LRAT: variants seen among roughly 807,000 people sequenced by gnomAD.
LRAT encodes the protein lecithin retinol acyltransferase (phosphatidylcholine--retinol O-acyltransferase).
Under a neutral mutation model 14.2 loss-of-function variants are expected in LRAT, and 11 were observed. The ratio of observed to expected loss-of-function variants is 0.78; its 90% CI spans 0.49 to 1.29. The LOEUF (loss-of-function observed/expected upper bound fraction) is 1.29. Ranked by LOEUF, LRAT falls within the 50% of genes most tolerant of loss-of-function variation. The pLI, the probability that LRAT is intolerant of heterozygous loss-of-function variation, is 0.00. For missense variants in LRAT, 274 were observed against 292.4 expected, an observed-to-expected ratio of 0.94 and a Z score of 0.46; for synonymous variants, 144 against 124.8, an observed-to-expected ratio of 1.15 and a Z score of -1.03.
At position 154,750,123 on chromosome 4, in the gene LRAT, CT is replaced by C. The variant is rs1187355738; in HGVS notation, c.*991del. 1.3e-5 allele frequency: 2 copies of C among 151,998 alleles called. No homozygotes were observed. The highest frequency in any genetic ancestry group is 2.9e-5 in the Non-Finnish European group (2 of 67,958). The allele number at this position is 151,998 out of a possible 1,614,324, so 9.4% of individuals were successfully genotyped here. On this transcript the variant is annotated 3_prime_UTR_variant, in exon 3 of 3. Transcript: ENST00000336356. ...GCATATATGTTATTGGATGGGTTGT[CT>C]TTTAAAGCATTTACTAATGTACTCT...
intron 1 of LRAT, 42 bp from the exon 2 acceptor site, chr4:154,744,284 G>T: frequency 6.2e-7 from 1 of 1,607,316 alleles, no homozygotes; most frequent in Non-Finnish European, 8.5e-7. Context: ...GCCCCTGCCG[G>T]AGTGGCACCG....
upstream of LRAT, among the ~76,000 whole-genome samples, chr4:154,743,310 G>T (rs1387196621): frequency 1.3e-5 from 2 of 151,844 alleles, no homozygotes; most frequent in Non-Finnish European, 2.9e-5. Flanking sequence ...ACACCAGCCT[G>T]GCCAACATGG....
rs1186188264 is a variant in LRAT at position 154,752,722 on chromosome 4, T to C, written c.*3586T>C. The C allele has an allele frequency of 6.6e-6, 1 of 152,246 alleles. No individual in the cohort carries two copies. The highest frequency in any genetic ancestry group is 6.5e-5 in the Admixed American group (1 of 15,288). 9.4% of individuals were successfully genotyped at this position (152,246 alleles called of 1,614,324 possible). ...GTCAAGGAAGACTCATTCACTTTTCTTTCCTGCCAGAAAGTTGGTTCTTGC... is the reference window on the plus strand; with the variant it reads ...GTCAAGGAAGACTCATTCACTTTTCCTTCCTGCCAGAAAGTTGGTTCTTGC... On this transcript the variant is annotated 3_prime_UTR_variant, in exon 3 of 3. Transcript: ENST00000336356.
At chr4:154,746,483 G>C (rs915638407) in intron 2 of LRAT, among the ~76,000 whole-genome samples, 10 of 152,222 alleles carry the variant, frequency 6.6e-5, no homozygotes, top group Non-Finnish European at 1.2e-4. Flanking sequence ...AATACAGTTA[G>C]AGCACTGTGC....
chr4:154,750,299 T>C lies in LRAT; in HGVS notation c.*1163T>C, dbSNP rs570155177. The C allele has an allele frequency of 6.6e-6, 1 of 152,260 alleles. No individual in the cohort carries two copies. Among genetic ancestry groups the C allele is most frequent in the African/African-American group, 2.4e-5 (1 of 41,560 alleles). 9.4% of individuals were successfully genotyped at this position (152,260 alleles called of 1,614,324 possible). ...AAGCAAATAAAATTATTTAAAATAATTTTAAAGTGGCTTAGTACTGCCAGT... is the reference window on the plus strand; with the variant it reads ...AAGCAAATAAAATTATTTAAAATAACTTTAAAGTGGCTTAGTACTGCCAGT... On this transcript the variant is annotated 3_prime_UTR_variant, in exon 3 of 3. Coordinates refer to ENST00000336356, the MANE Select transcript of LRAT (RefSeq NM_004744.5).
In LRAT at chr4:154,750,906, G is replaced by C. The variant is rs556660642; in HGVS notation, c.*1770G>C. ...TTGCAAACTTTAGTTATTACAGGCAGCAAAAACCACTGTCTGAAACTAAAT... is the reference window on the plus strand; with the variant it reads ...TTGCAAACTTTAGTTATTACAGGCACCAAAAACCACTGTCTGAAACTAAAT... On this transcript the variant is annotated 3_prime_UTR_variant, in exon 3 of 3. Transcript: ENST00000336356. 6.6e-5 allele frequency: 10 copies of C among 152,212 alleles called. No individual in the cohort carries two copies. Among genetic ancestry groups the C allele is most frequent in the African/African-American group, 2.4e-4 (10 of 41,546 alleles). 9.4% of individuals were successfully genotyped at this position (152,212 alleles called of 1,614,324 possible).
At chr4:154,743,867 G>C (rs957996972), upstream of LRAT, 1 of 112,622 alleles carries the variant, frequency 8.9e-6, no homozygotes, top group Non-Finnish European at 1.7e-5. Context: ...CAAAGAAACC[G>C]GGATCCCGCG....
rs139819099 is a variant in LRAT at position 154,744,729 on chromosome 4, G to T, written c.403G>T (p.Ala135Ser). The T allele has an allele frequency of 9.1e-4, 1,463 of 1,614,212 alleles. No homozygotes were observed. Among genetic ancestry groups the T allele is most frequent in the Non-Finnish European group, 1.1e-3 (1,300 of 1,180,042 alleles). ...CCTGGACGAGTCCCTCCAGAAAAAG[G>T]CACTGCTCAACGAGGAGGTGGCGCG... ...NHLDESLQKK[A>S]LLNEEVARRA... Residue 135 changes from alanine (A) to serine (S), a missense_variant, in exon 2 of 3, where the codon GCA (alanine) becomes TCA (serine). Physicochemically the swap from Ala to Ser is moderately conservative, Grantham distance 99. Transcript: ENST00000336356.
At position 154,750,737 on chromosome 4, in the gene LRAT, T is replaced by G. The variant is rs997080231; in HGVS notation, c.*1601T>G. 2 of 152,166 alleles carry G rather than the reference T, an allele frequency of 1.3e-5. No individual in the cohort carries two copies. Among genetic ancestry groups the G allele is most frequent in the African/African-American group, 4.8e-5 (2 of 41,460 alleles). The allele number at this position is 152,166 out of a possible 1,614,324, so 9.4% of individuals were successfully genotyped here. A position where few individuals can be genotyped will look rare whatever the true frequency, so the allele number is the denominator to read the frequency against. ...CTGGACCTATTCTAACCACTTAAAA[T>G]TATCTTAAGTATGCATACATAAAAG... On this transcript the variant is annotated 3_prime_UTR_variant, in exon 3 of 3. Transcript: ENST00000336356.
At chr4:154,741,809 A>C (rs1732772473), upstream of LRAT, among the ~76,000 whole-genome samples, 1 of 152,230 alleles carries the variant, frequency 6.6e-6, no homozygotes. Flanking sequence ...TATACATAAA[A>C]GAATTCATAT....
rs760244398 is a variant in LRAT, at chr4:154,751,733, CAAAAAAAAAAA to C, written c.*2618_*2628del. ...TGGGCAACAAAGTGAGACTCCATCT[CAAAAAAAAAAA>C]AAAAAAAAAAAAAAAAAAAAGAAGA... is the stretch of plus-strand genomic sequence containing the variant. On this transcript the variant is annotated 3_prime_UTR_variant, in exon 3 of 3. Transcript: ENST00000336356. 2.1e-4 allele frequency: 5 copies of C among 23,842 alleles called. No individual in the cohort carries two copies. The highest frequency in any genetic ancestry group is 3.4e-3 in the South Asian group (1 of 296). The allele number at this position is 23,842 out of a possible 1,614,324, so 1.5% of individuals were successfully genotyped here. A position where few individuals can be genotyped will look rare whatever the true frequency, so the allele number is the denominator to read the frequency against.
chr4:154,744,804 A>G lies in LRAT; in HGVS notation c.478A>G (p.Asn160Asp), dbSNP rs1417475919. Residue 160 changes from asparagine to aspartate, a missense_variant, in exon 2 of 3, where the codon AAC (asparagine) becomes GAC (aspartate). Asn to Asp is a conservative substitution (Grantham distance 23). Coordinates refer to ENST00000336356, the MANE Select transcript of LRAT (RefSeq NM_004744.5). ...TACCCCCTACAGCCTGCTGTGGAAC[A>G]ACTGCGAGCACTTCGTGACCTACTG... ...GFTPYSLLWN[N>D]CEHFVTYCRY... The G allele has an allele frequency of 6.2e-7, 1 of 1,613,912 alleles. No homozygotes were observed. The highest frequency in any genetic ancestry group is 1.3e-5 in the African/African-American group (1 of 74,898).
At position 154,749,068 on chromosome 4, in the gene LRAT, A is replaced by G; in HGVS notation, c.625A>G (p.Thr209Ala). The G allele has an allele frequency of 6.2e-7, 1 of 1,613,830 alleles. No homozygotes were observed. Among genetic ancestry groups the G allele is most frequent in the Non-Finnish European group, 8.5e-7 (1 of 1,179,752 alleles). Residue 209 changes from threonine to alanine, a missense_variant, in exon 3 of 3, where the codon ACG becomes GCG. By Grantham distance (58) the Thr-to-Ala change is moderately conservative. Transcript: ENST00000336356. ...AVLGLASIVC[T>A]GLVSYTTLPA... ...CTTGGGATTGGCGTCTATAGTCTGTACGGGCTTGGTATCATACACTACCCT... is the reference window on the plus strand; with the variant it reads ...CTTGGGATTGGCGTCTATAGTCTGTGCGGGCTTGGTATCATACACTACCCT...
Position 154,744,755 on chromosome 4 carries a change from G to T in LRAT, c.429G>T (p.Arg143=). ...KKALLNEEVA[R]RAEKLLGFTP... ...CACTGCTCAACGAGGAGGTGGCGCG[G>T]AGGGCTGAAAAGCTGCTGGGCTTTA... The change falls in exon 2 of 3, where the codon CGG becomes CGT. Residue 143 remains arginine, a synonymous_variant. Transcript: ENST00000336356. 2 of 1,614,190 alleles carry T rather than the reference G, an allele frequency of 1.2e-6. No homozygotes were observed.
chr4:154,745,823 C>T (rs2111034853), intron 2 of LRAT, among the ~76,000 whole-genome samples: 1 of 152,234 alleles, frequency 6.6e-6, no homozygotes, highest in East Asian at 1.9e-4. Context: ...GTTGTATTTT[C>T]CATGGTATTC....
upstream of LRAT, chr4:154,743,987 A>C (rs565658269): frequency 2.8e-5 from 8 of 280,742 alleles, no homozygotes; most frequent in South Asian, 3.6e-4. Context: ...GTCGCAGCGA[A>C]GCCTGCACCT....
At chr4:154,747,778 T>C (rs182260755) in intron 2 of LRAT, among the ~76,000 whole-genome samples, 2 of 152,322 alleles carry the variant, frequency 1.3e-5, no homozygotes, top group South Asian at 2.1e-4. Flanking sequence ...TAAAATAGTA[T>C]ACTTCTCAAT....
rs1433669441 is a variant in LRAT at position 154,752,831 on chromosome 4, C to A, written c.*3695C>A. 1 of 152,180 alleles carries A rather than the reference C, an allele frequency of 6.6e-6. No homozygotes were observed. Among genetic ancestry groups the A allele is most frequent in the Non-Finnish European group, 1.5e-5 (1 of 68,018 alleles). The allele number at this position is 152,180 out of a possible 1,614,324, so 9.4% of individuals were successfully genotyped here. A position where few individuals can be genotyped will look rare whatever the true frequency, so the allele number is the denominator to read the frequency against. ...AGATATGTTTCTTTCTAAGGACAAGCAACTATGTATAGACTTGTTGTTTGA... is the reference window on the plus strand; with the variant it reads ...AGATATGTTTCTTTCTAAGGACAAGAAACTATGTATAGACTTGTTGTTTGA... On this transcript the variant is annotated 3_prime_UTR_variant, in exon 3 of 3. Transcript: ENST00000336356.
At chr4:154,743,806 A>G (rs1189919366), upstream of LRAT, among the ~76,000 whole-genome samples, 1 of 151,880 alleles carries the variant, frequency 6.6e-6, no homozygotes, top group Non-Finnish European at 1.5e-5. Context: ...CCGCGGCGAT[A>G]AAGAATCACT....
Sources: gnomAD v4.1 joint callset for allele counts (sites outside exome capture counted in the v4.1 genomes callset) on GRCh38, gnomAD v4.1.1 for gene constraint, MANE v1.5 for transcripts, NCBI Gene and HGNC (gene_info 2026-07-23, HGNC 2026-07-21) for gene names.